The following DMRT1 variants were observed in gnomAD, a reference collection of about 807,000 sequenced individuals.
DMRT1 encodes the protein doublesex- and mab-3-related transcription factor 1.
DMRT1 carries 7 observed loss-of-function variants against 32.3 expected under a neutral mutation model. The ratio of observed to expected loss-of-function variants is 0.22; its 90% confidence interval spans 0.12 to 0.41. DMRT1 has a LOEUF of 0.41. DMRT1 is among the 10% of genes least tolerant of loss of function. The pLI is 1.00. For missense variants in DMRT1, 625 were observed against 500.5 expected (o/e 1.25, Z -2.37); for synonymous variants, 278 against 206.1 (o/e 1.35, Z -2.99).
chr9:917,090 C>G (rs574297000), intron 4 of DMRT1, among the ~76,000 whole-genome samples, 183 bp downstream of exon 4: 13 of 152,102 alleles, frequency 8.5e-5, no homozygotes, highest in Non-Finnish European at 1.5e-4. Context: ...ATGCTTGATT[C>G]TTAATATCAT....
At chr9:843,487 T>C (rs1456024452) in intron 1 of DMRT1, among the ~76,000 whole-genome samples, 1 of 152,216 alleles carries the variant, frequency 6.6e-6, no homozygotes, top group Non-Finnish European at 1.5e-5. Context: ...TTTTAAAGAA[T>C]ATGCGCAGGT....
At chr9:884,813 T>C (rs1816863061) in intron 2 of DMRT1, among the ~76,000 whole-genome samples, 1 of 151,838 alleles carries the variant, frequency 6.6e-6, no homozygotes, top group Admixed American at 6.6e-5. Flanking sequence ...CTACTAAAAA[T>C]AGAAAAATTA....
intron 2 of DMRT1, among the ~76,000 whole-genome samples, chr9:892,677 TCTC>T (rs973093810): frequency 6.5e-4 from 99 of 152,144 alleles, no homozygotes; most frequent in African/African-American, 2.3e-3. Flanking sequence ...CTTAGATAAA[TCTC>T]CTCCAAGCAC....
At chr9:873,587 G>A (rs1387102685) in intron 2 of DMRT1, among the ~76,000 whole-genome samples, 1 of 151,976 alleles carries the variant, frequency 6.6e-6, no homozygotes, top group East Asian at 1.9e-4. Flanking sequence ...CCAAAATGTT[G>A]GGATTACAGG....
intron 3 of DMRT1, among the ~76,000 whole-genome samples, chr9:911,470 A>ATTTTTTTTTTTTT (rs201141931): frequency 3.0e-5 from 2 of 66,950 alleles, no homozygotes; most frequent in African/African-American, 7.7e-5. Context: ...GGTTAATTGC[A>ATTTTTTTTTTTTT]TTTTTTTTTT....
At chr9:887,147 G>A (rs1816963074) in intron 2 of DMRT1, among the ~76,000 whole-genome samples, 1 of 152,154 alleles carries the variant, frequency 6.6e-6, no homozygotes, top group Non-Finnish European at 1.5e-5. Flanking sequence ...GCCGAGATCA[G>A]GAGATCACGC....
At chr9:932,823 GT>G (rs906552663) in intron 4 of DMRT1, among the ~76,000 whole-genome samples, 2 of 151,958 alleles carry the variant, frequency 1.3e-5, no homozygotes, top group African/African-American at 2.4e-5. Flanking sequence ...ACTCTAAGCA[GT>G]TTTTTTTAAA....
chr9:920,616 G>A (rs992784877), intron 4 of DMRT1, among the ~76,000 whole-genome samples: 1 of 152,216 alleles, frequency 6.6e-6, no homozygotes, highest in Non-Finnish European at 1.5e-5. Flanking sequence ...GCTGTAAGAG[G>A]AATAGTGGGA....
chr9:941,683 G>A (rs1461425760), intron 4 of DMRT1, among the ~76,000 whole-genome samples: 2 of 152,102 alleles, frequency 1.3e-5, no homozygotes, highest in African/African-American at 4.8e-5. Flanking sequence ...AAATGGTTAG[G>A]ATGGTAAATT....
At chr9:880,582 T>G (rs1345184340) in intron 2 of DMRT1, among the ~76,000 whole-genome samples, 1 of 151,738 alleles carries the variant, frequency 6.6e-6, no homozygotes, top group African/African-American at 2.4e-5. Flanking sequence ...CAAAATTGCC[T>G]GGGCATGGTG....
chr9:851,913 C>G lies in DMRT1; in HGVS notation c.538+4770C>G, dbSNP rs139278883. On this transcript the variant is annotated intron_variant, in intron 2 of 4. Transcript: ENST00000382276. ...TGTTTATTGCTGTTGCTTGTACCAGCAGGATCAGTTGTTAGCAGGTACACT... is the reference window on the plus strand; with the variant it reads ...TGTTTATTGCTGTTGCTTGTACCAGGAGGATCAGTTGTTAGCAGGTACACT... Among the ~76,000 whole-genome samples the G allele has an allele frequency of 7.8e-3, 1,171 of 150,956 alleles. 12 individuals are homozygous for G. The highest frequency in any genetic ancestry group is 0.027 in the African/African-American group (1,125 of 41,244).
At chr9:913,671 G>A (rs1818067416) in intron 3 of DMRT1, among the ~76,000 whole-genome samples, 2 of 151,906 alleles carry the variant, frequency 1.3e-5, no homozygotes, top group African/African-American at 2.4e-5. Context: ...GAGGCGGGCG[G>A]ATCACTTGAG....
intron 2 of DMRT1, among the ~76,000 whole-genome samples, chr9:875,163 A>T (rs1421661130): frequency 6.6e-6 from 1 of 152,070 alleles, no homozygotes; most frequent in South Asian, 2.1e-4. Flanking sequence ...TGTCGTTCTG[A>T]TAATGGCCCT....
intron 1 of DMRT1, 38 bp downstream of exon 1, chr9:842,230 GTTTTT>G (rs780064237): frequency 1.6e-4 from 203 of 1,266,418 alleles, no homozygotes; most frequent in East Asian, 3.8e-4. Flanking sequence ...TTCAGCCTTA[GTTTTT>G]TTTTTTTTTT....
At chr9:851,938 T>A (rs1239214272) in intron 2 of DMRT1, among the ~76,000 whole-genome samples, 1 of 87,552 alleles carries the variant, frequency 1.1e-5, no homozygotes, top group Non-Finnish European at 2.7e-5. Context: ...GCAGGTACAC[T>A]TTTTTTTTGT....
At chr9:874,886 C>A (rs778462432) in intron 2 of DMRT1, among the ~76,000 whole-genome samples, 1 of 143,566 alleles carries the variant, frequency 7.0e-6, no homozygotes, top group Non-Finnish European at 1.5e-5. Flanking sequence ...CACTTCACTG[C>A]AAGCTCCACC....
At chr9:928,425 C>T (rs1392139602) in intron 4 of DMRT1, among the ~76,000 whole-genome samples, 1 of 152,170 alleles carries the variant, frequency 6.6e-6, no homozygotes, top group African/African-American at 2.4e-5. Context: ...ATTTCCTCTA[C>T]TTTAAATGCA....
intron 3 of DMRT1, among the ~76,000 whole-genome samples, chr9:901,719 C>T (rs959037042): frequency 1.3e-5 from 2 of 151,656 alleles, no homozygotes; most frequent in African/African-American, 4.8e-5. Flanking sequence ...GGATGATGTG[C>T]TCTGGTCACT....
intron 4 of DMRT1, among the ~76,000 whole-genome samples, chr9:931,365 C>G (rs1308818161): frequency 1.3e-5 from 2 of 152,190 alleles, no homozygotes; most frequent in Non-Finnish European, 2.9e-5. Context: ...ATTCAACATA[C>G]AAATGTAATG....
Sources: allele counts gnomAD v4.1 joint callset (sites outside exome capture counted in the v4.1 genomes callset), GRCh38; gene constraint gnomAD v4.1.1; transcripts MANE v1.5; gene names NCBI Gene and HGNC (gene_info 2026-07-23, HGNC 2026-07-21).